The following RUBCNL variants were observed in gnomAD, a reference collection of about 807,000 sequenced individuals.
RUBCNL encodes the protein rubicon like autophagy enhancer.
Under a neutral mutation model 69.5 loss-of-function variants are expected in RUBCNL, and 62 were observed. The observed-to-expected ratio is 0.89, with a 90% confidence interval of 0.73 to 1.10. The LOEUF (loss-of-function observed/expected upper bound fraction) is 1.10. Ranked by LOEUF, RUBCNL falls within the 50% of genes least tolerant of loss-of-function variation. The pLI is 0.00. For missense variants in RUBCNL, 768 were observed against 798.1 expected (o/e 0.96, Z 0.45); for synonymous variants, 291 against 303.6 (o/e 0.96, Z 0.43).
chr13:46,360,809 G>A (rs1387587598), intron 8 of RUBCNL, among the ~76,000 whole-genome samples: 1 of 152,216 alleles, frequency 6.6e-6, no homozygotes, highest in Non-Finnish European at 1.5e-5. Context: ...ACTTTCCAAT[G>A]AGGCAGCCTG....
intron 10 of RUBCNL, chr13:46,350,714 C>CAGGT (rs1235465828): frequency 1.4e-5 from 3 of 210,570 alleles, no homozygotes; most frequent in African/African-American, 6.8e-5. Context: ...AGACTGAAGG[C>CAGGT]AGGTTAGGCT....
chr13:46,345,317 G>A lies in RUBCNL; in HGVS notation c.1785+130C>T, dbSNP rs552860628. On this transcript the variant is annotated intron_variant, in intron 13 of 14. Transcript: ENST00000429979. ...CTGTTACTTCACAGCTCTGACCTCAGTTTTCTCATCTCTAACTAGGTCACC... is the reference window on the plus strand; with the variant it reads ...CTGTTACTTCACAGCTCTGACCTCAATTTTCTCATCTCTAACTAGGTCACC... 115 of 1,132,422 alleles carry A rather than the reference G, an allele frequency of 1.0e-4. 1 individual carries two copies. In the South Asian group the frequency reaches 1.7e-3, roughly 17 times the overall value. The allele number at this position is 1,132,422 out of a possible 1,614,324, so 70.1% of individuals were successfully genotyped here. A position where few individuals can be genotyped will look rare whatever the true frequency, so the allele number is the denominator to read the frequency against.
chr13:46,369,085 G>T lies in RUBCNL; in HGVS notation c.536-270C>A, dbSNP rs116426431. On this transcript the variant is annotated intron_variant, in intron 3 of 14. Coordinates refer to ENST00000429979, the MANE Select transcript of RUBCNL (RefSeq NM_025113.5). ...GGAGGAGACCAATGAGGAAAAGAGG[G>T]TAGAAAGAGAATAGGGTCCTGGGAA... Among the ~76,000 whole-genome samples, 653 of 152,324 alleles carry T rather than the reference G, an allele frequency of 4.3e-3. 6 individuals carry two copies. The highest frequency in any genetic ancestry group is 0.015 in the African/African-American group (614 of 41,568).
At chr13:46,348,490 T>A (rs1386802969) in intron 12 of RUBCNL, among the ~76,000 whole-genome samples, 2 of 152,182 alleles carry the variant, frequency 1.3e-5, no homozygotes, top group Non-Finnish European at 2.9e-5. Flanking sequence ...CATCTTGAAC[T>A]GTAGCTCCCA....
At chr13:46,365,787 C>T (rs1387905377) in intron 5 of RUBCNL, among the ~76,000 whole-genome samples, 3 of 152,090 alleles carry the variant, frequency 2.0e-5, no homozygotes, top group Non-Finnish European at 4.4e-5. Flanking sequence ...CTAAAAATTC[C>T]AGAATAAAAT....
At chr13:46,367,728 T>G (rs562426608) in intron 5 of RUBCNL, among the ~76,000 whole-genome samples, 2 of 152,258 alleles carry the variant, frequency 1.3e-5, no homozygotes, top group Admixed American at 6.5e-5. Flanking sequence ...AATGAACAAT[T>G]CTTAAGTTTT....
At chr13:46,388,586 T>A (rs1257934429), upstream of RUBCNL, among the ~76,000 whole-genome samples, 1 of 152,136 alleles carries the variant, frequency 6.6e-6, no homozygotes, top group Admixed American at 6.5e-5. Flanking sequence ...GGAAGGAAGC[T>A]AAGCTCTCTC....
At chr13:46,387,805 C>T (rs2138872524), upstream of RUBCNL, 1 of 985,554 alleles carries the variant, frequency 1.0e-6, no homozygotes, top group Middle Eastern at 5.2e-4. Flanking sequence ...ACCTTGTCCT[C>T]TTGCAGCGAA....
Position 46,337,010 on chromosome 13 carries a change from A to G in RUBCNL, c.*6375T>C, listed in dbSNP as rs527579562. Reference sequence around the variant, plus strand: ...TCATGTGTTGAAGACCTAACCCCCAATTGTGACAGTATTAGGAGGTGGAGC... The same window carrying G: ...TCATGTGTTGAAGACCTAACCCCCAGTTGTGACAGTATTAGGAGGTGGAGC... On this transcript the variant is annotated 3_prime_UTR_variant, in exon 15 of 15. Transcript: ENST00000429979. 6.6e-6 allele frequency among the ~76,000 whole-genome samples: 1 copy of G among 152,210 alleles called. No homozygotes were observed. Among genetic ancestry groups the G allele is most frequent in the South Asian group, 2.1e-4 (1 of 4,816 alleles).
At chr13:46,385,361 G>A (rs550650828) in intron 1 of RUBCNL, 2 of 566,796 alleles carry the variant, frequency 3.5e-6, no homozygotes, top group South Asian at 7.8e-5. Context: ...TACACAATAT[G>A]ACTAACAGGC....
At chr13:46,388,828 C>T (rs771248234), upstream of RUBCNL, among the ~76,000 whole-genome samples, 3 of 152,152 alleles carry the variant, frequency 2.0e-5, no homozygotes, top group Admixed American at 6.5e-5. Context: ...AGTGGCTAAA[C>T]GGTGGCACCA....
intron 9 of RUBCNL, among the ~76,000 whole-genome samples, chr13:46,358,699 C>T (rs538258100): frequency 4.1e-4 from 62 of 152,098 alleles, no homozygotes; most frequent in Non-Finnish European, 8.2e-4. Flanking sequence ...GATTAGAGGG[C>T]TGCACCCACC....
intron 12 of RUBCNL, among the ~76,000 whole-genome samples, chr13:46,347,488 C>T (rs1177982501): frequency 6.6e-6 from 1 of 152,058 alleles, no homozygotes; most frequent in Non-Finnish European, 1.5e-5. Flanking sequence ...GATAAACTTC[C>T]AAAAGTACAA....
At chr13:46,374,895 T>C (rs1005438128) in intron 2 of RUBCNL, among the ~76,000 whole-genome samples, 2 of 152,228 alleles carry the variant, frequency 1.3e-5, no homozygotes, top group Non-Finnish European at 2.9e-5. Context: ...CCCCAGATGA[T>C]GACACATCTG....
intron 1 of RUBCNL, among the ~76,000 whole-genome samples, chr13:46,381,145 C>T (rs1345834293): frequency 6.6e-6 from 1 of 152,146 alleles, no homozygotes; most frequent in Non-Finnish European, 1.5e-5. Context: ...AACACACATT[C>T]ACACAAAAAC....
chr13:46,387,234 C>T lies in RUBCNL; in HGVS notation c.-339G>A. 4.1e-6 allele frequency: 4 copies of T among 985,430 alleles called. No homozygotes were observed. The highest frequency in any genetic ancestry group is 4.8e-6 in the Non-Finnish European group (4 of 829,958). The allele number at this position is 985,430 out of a possible 1,614,324, so 61.0% of individuals were successfully genotyped here. ...CAGCGTTCCGTGGCCACCGCGCTCC[C>T]GGTAACAGCAGAAAGGGGAGGGAGG... is the stretch of plus-strand genomic sequence containing the variant. On this transcript the variant is annotated 5_prime_UTR_variant, in exon 1 of 15. Transcript: ENST00000429979.
intron 12 of RUBCNL, among the ~76,000 whole-genome samples, chr13:46,348,048 G>A (rs2048287030): frequency 6.6e-6 from 1 of 152,148 alleles, no homozygotes; most frequent in Non-Finnish European, 1.5e-5. Context: ...TGAACCTTGA[G>A]GACTTTATGC....
intron 11 of RUBCNL, among the ~76,000 whole-genome samples, chr13:46,349,572 C>T (rs909059081): frequency 1.3e-5 from 2 of 152,088 alleles, no homozygotes; most frequent in Non-Finnish European, 2.9e-5. Context: ...ACTTACAGAA[C>T]TTTGGGGCCT....
chr13:46,377,139 T>G (rs1410826108), intron 2 of RUBCNL, among the ~76,000 whole-genome samples: 1 of 152,210 alleles, frequency 6.6e-6, no homozygotes, highest in African/African-American at 2.4e-5. Context: ...AAGTTATGGT[T>G]TATCCTCAAT....
Sources: allele counts gnomAD v4.1 joint callset (sites outside exome capture counted in the v4.1 genomes callset), GRCh38; gene constraint gnomAD v4.1.1; transcripts MANE v1.5; gene names NCBI Gene and HGNC (gene_info 2026-07-23, HGNC 2026-07-21).